Variants in PCGF3 observed in about 807,000 individuals in gnomAD.
PCGF3 encodes the protein polycomb group ring finger 3, also known as polycomb group RING finger protein 3.
PCGF3 carries 7 observed loss-of-function variants against 33.1 expected under a neutral mutation model. That is an observed-to-expected ratio of 0.21 (90% CI 0.12 to 0.40). The LOEUF (loss-of-function observed/expected upper bound fraction) is 0.40, where lower values mean the gene tolerates loss of function less well. Ranked by LOEUF, PCGF3 falls within the 10% of genes least tolerant of loss-of-function variation. The probability of loss-of-function intolerance (pLI) is 1.00; values close to 1 mark genes in which losing one functional copy is unlikely to be tolerated. For missense variants in PCGF3, 211 were observed against 313.3 expected (o/e 0.67, Z 2.46); for synonymous variants, 153 against 121.3 (o/e 1.26, Z -1.72).
At chr4:717,310 G>A (rs1306814764) in intron 1 of PCGF3, among the ~76,000 whole-genome samples, 2 of 151,236 alleles carry the variant, frequency 1.3e-5, no homozygotes, top group East Asian at 3.9e-4. Flanking sequence ...AGAACTGGGC[G>A]TCGGTGCTGG....
intron 4 of PCGF3, chr4:734,073 C>CAGT (rs1560205183): frequency 6.4e-7 from 1 of 1,550,738 alleles, no homozygotes; most frequent in South Asian, 1.2e-5. Context: ...GCCGCTGTGA[C>CAGT]AGTGCTCACT....
intron 1 of PCGF3, among the ~76,000 whole-genome samples, chr4:715,957 C>G (rs1465809487): frequency 4.2e-4 from 31 of 74,662 alleles, no homozygotes; most frequent in South Asian, 6.2e-4. Flanking sequence ...AACTGGGCGT[C>G]GGTGCTGGGA....
Position 715,937 on chromosome 4 carries a change from T to C in PCGF3, c.-190+9967T>C, listed in dbSNP as rs371153675. Reference sequence around the variant, plus strand: ...GTCGGTGCTGGGACCCTGTAGACACTGAGGGTGAGAACTGGGCGTCGGTGC... The same window carrying C: ...GTCGGTGCTGGGACCCTGTAGACACCGAGGGTGAGAACTGGGCGTCGGTGC... On this transcript the variant is annotated intron_variant, in intron 1 of 10. Coordinates refer to ENST00000362003, the Ensembl canonical transcript of PCGF3. Among the ~76,000 whole-genome samples the C allele has an allele frequency of 3.8e-3, 386 of 102,828 alleles. 1 individual carries two copies. The highest frequency in any genetic ancestry group is 5.2e-3 in the Non-Finnish European group (242 of 46,100). 67.5% of individuals were successfully genotyped at this position (102,828 alleles called of 152,430 possible).
At chr4:733,048 G>GGGCCCCTGCCGCGTGCTGCCTC in intron 3 of PCGF3, among the ~76,000 whole-genome samples, 1 of 147,578 alleles carries the variant, frequency 6.8e-6, no homozygotes, top group Non-Finnish European at 1.5e-5. Context: ...GGGTAGGGTG[G>GGGCCCCTGCCGCGTGCTGCCTC]GGCCCCTGCC....
chr4:729,107 A>C (rs1267438838), intron 1 of PCGF3, among the ~76,000 whole-genome samples: 1 of 145,920 alleles, frequency 6.9e-6, no homozygotes, highest in African/African-American at 2.5e-5. Flanking sequence ...CTCAAAAAAA[A>C]AAAAAAAAAA....
intron 9 of PCGF3, among the ~76,000 whole-genome samples, chr4:763,939 G>C (rs567747330): frequency 6.6e-6 from 1 of 152,308 alleles, no homozygotes; most frequent in African/African-American, 2.4e-5. Context: ...CTGTTACTAA[G>C]TAGAGAAGCC....
intron 1 of PCGF3, among the ~76,000 whole-genome samples, chr4:708,449 G>C (rs1178312115): frequency 6.6e-6 from 1 of 152,138 alleles, no homozygotes; most frequent in Admixed American, 6.5e-5. Context: ...GTGAAGGCCA[G>C]GCATCTGGCA....
intron 8 of PCGF3, among the ~76,000 whole-genome samples, chr4:754,674 T>C (rs934767274): frequency 2.0e-5 from 3 of 152,198 alleles, no homozygotes; most frequent in South Asian, 2.1e-4. Flanking sequence ...GAGAACTTGC[T>C]GTTCACCCAG....
intron 1 of PCGF3, among the ~76,000 whole-genome samples, chr4:717,759 G>A (rs1019770707): frequency 1.3e-5 from 2 of 152,258 alleles, no homozygotes; most frequent in Admixed American, 6.5e-5. Flanking sequence ...GTGCAGGAGG[G>A]CGTGTTCTGG....
chr4:715,539 C>T (rs1742786804), intron 1 of PCGF3, among the ~76,000 whole-genome samples: 1 of 138,736 alleles, frequency 7.2e-6, no homozygotes, highest in Non-Finnish European at 1.6e-5. Context: ...ACCCTGTAGA[C>T]ACTGAGTGTG....
intron 1 of PCGF3, among the ~76,000 whole-genome samples, chr4:728,281 T>C (rs1743410245): frequency 6.6e-6 from 1 of 152,190 alleles, no homozygotes; most frequent in East Asian, 1.9e-4. Context: ...ATCTTAAAAA[T>C]ACAGTAGAAC....
chr4:753,228 G>A (rs1744604964), intron 8 of PCGF3, among the ~76,000 whole-genome samples: 1 of 152,336 alleles, frequency 6.6e-6, no homozygotes, highest in South Asian at 2.1e-4. Flanking sequence ...TTCTTGCCTA[G>A]GCTGGAGTAT....
chr4:723,011 C>A (rs1577403244), intron 1 of PCGF3, among the ~76,000 whole-genome samples: 1 of 135,596 alleles, frequency 7.4e-6, no homozygotes. Context: ...TCCACATTCG[C>A]GTCATCGCCA....
chr4:738,403 A>C (rs1472239916), intron 6 of PCGF3, among the ~76,000 whole-genome samples: 1 of 152,206 alleles, frequency 6.6e-6, no homozygotes, highest in East Asian at 1.9e-4. Flanking sequence ...AATATCTGAA[A>C]GTTTTTTAGT....
At chr4:709,865 C>T (rs1019337382) in intron 1 of PCGF3, among the ~76,000 whole-genome samples, 1 of 152,230 alleles carries the variant, frequency 6.6e-6, no homozygotes, top group African/African-American at 2.4e-5. Context: ...CTTACTCGCC[C>T]AGTGTAACCG....
intron 8 of PCGF3, among the ~76,000 whole-genome samples, chr4:755,373 T>A (rs549566564): frequency 5.8e-4 from 89 of 152,162 alleles, no homozygotes; most frequent in Non-Finnish European, 6.3e-4. Flanking sequence ...CCTCTGCGTG[T>A]GAGTTGCTTA....
chr4:744,449 G>C (rs897140998), intron 7 of PCGF3, 151 bp from the exon 8 acceptor site: 2 of 630,380 alleles, frequency 3.2e-6, no homozygotes, highest in East Asian at 2.8e-5. Context: ...GACACTTTGC[G>C]GACGGCTTTC....
In PCGF3 at chr4:743,298, G is replaced by A. The variant is rs115554522; in HGVS notation, c.263-176G>A. Reference sequence around the variant, plus strand: ...GGTGGGGCGGGTGCCCGGGGGGTGCGCTTCCCGCTGTGCTGAGCCCCCAAA... The same window carrying A: ...GGTGGGGCGGGTGCCCGGGGGGTGCACTTCCCGCTGTGCTGAGCCCCCAAA... On this transcript the variant is annotated intron_variant, in intron 6 of 10. Transcript: ENST00000362003. 7.3e-3 allele frequency among the ~76,000 whole-genome samples: 1,113 copies of A among 152,280 alleles called. 16 individuals are homozygous for A. The highest frequency in any genetic ancestry group is 0.025 in the African/African-American group (1,046 of 41,552).
chr4:718,395 T>A (rs1742945174), intron 1 of PCGF3, among the ~76,000 whole-genome samples: 1 of 152,122 alleles, frequency 6.6e-6, no homozygotes, highest in Non-Finnish European at 1.5e-5. Context: ...TGAGCTACAC[T>A]CTGAGGCTGG....
Sources: gnomAD v4.1 joint callset for allele counts (sites outside exome capture counted in the v4.1 genomes callset) on GRCh38, gnomAD v4.1.1 for gene constraint, MANE v1.5 for transcripts, NCBI Gene and HGNC (gene_info 2026-07-23, HGNC 2026-07-21) for gene names.